Variants in SHISA9 observed in about 807,000 individuals in gnomAD.
SHISA9 encodes protein shisa-9.
In SHISA9, 13 loss-of-function variants were observed where a neutral mutation model predicts 38.0. The observed-to-expected ratio is 0.34, with a 90% CI of 0.22 to 0.54. The LOEUF (loss-of-function observed/expected upper bound fraction) is 0.54. Ranked by LOEUF, SHISA9 falls within the 20% of genes least tolerant of loss-of-function variation. The pLI, the probability that SHISA9 is intolerant of heterozygous loss-of-function variation, is 0.91. For synonymous variants in SHISA9, 275 were observed against 242.0 expected, an observed-to-expected ratio of 1.14 and a Z score of -1.27; for missense variants, 538 against 575.8, an observed-to-expected ratio of 0.93 and a Z score of 0.67.
chr16:12,975,993 T>C (rs760624163), intron 2 of SHISA9, among the ~76,000 whole-genome samples: 9 of 152,152 alleles, frequency 5.9e-5, no homozygotes, highest in Non-Finnish European at 1.2e-4. Flanking sequence ...TTACTGTGAT[T>C]CTCAATTAGT....
chr16:13,301,153 G>A, the SHISA9 span, among the ~76,000 whole-genome samples: 2 of 152,192 alleles, frequency 1.3e-5, no homozygotes, highest in Middle Eastern at 3.4e-3. Flanking sequence ...TTGTGGTGCC[G>A]ACCATCTCAC....
intron 2 of SHISA9, among the ~76,000 whole-genome samples, chr16:13,112,986 G>A (rs1417071348): frequency 6.6e-6 from 1 of 152,032 alleles, no homozygotes; most frequent in Non-Finnish European, 1.5e-5. Flanking sequence ...AAGGCAGGCA[G>A]ATCACTTGAC....
At chr16:13,493,078 GT>G in the SHISA9 span, among the ~76,000 whole-genome samples, 1 of 152,208 alleles carries the variant, frequency 6.6e-6, no homozygotes, top group Non-Finnish European at 1.5e-5. Flanking sequence ...AGGGGGAAAA[GT>G]GGAGGAGAAG....
At chr16:13,542,726 T>C in the SHISA9 span, among the ~76,000 whole-genome samples, 1 of 152,212 alleles carries the variant, frequency 6.6e-6, no homozygotes, top group African/African-American at 2.4e-5. Flanking sequence ...TTAACTCGCT[T>C]AAATCAAAAT....
In SHISA9 at chr16:13,202,440, G is replaced by A. The variant is rs545528462; in HGVS notation, c.692-954G>A. On this transcript the variant is annotated intron_variant, in intron 2 of 4. Transcript: ENST00000558583. ...TTCCTTGAATCTCATTTCCCTTCAA[G>A]CAGCCAATATTTAGTTTGTTTGTCT... Among the ~76,000 whole-genome samples, 573 of 134,250 alleles carry A rather than the reference G, an allele frequency of 4.3e-3. 132 individuals carry two copies. Among genetic ancestry groups the A allele is most frequent in the African/African-American group, 0.016 (553 of 34,122 alleles). The allele number at this position is 134,250 out of a possible 152,430, so 88.1% of individuals were successfully genotyped here. A position where few individuals can be genotyped will look rare whatever the true frequency, so the allele number is the denominator to read the frequency against.
chr16:13,457,927 CCCTTCCTT>C, the SHISA9 span, among the ~76,000 whole-genome samples: 3 of 151,452 alleles, frequency 2.0e-5, no homozygotes, highest in Admixed American at 1.3e-4. Flanking sequence ...CTTCCTTCCT[CCCTTCCTT>C]CCTTCCTTGC....
chr16:13,234,941 G>A lies in SHISA9; in HGVS notation c.896-89G>A, dbSNP rs2051366271. On this transcript the variant is annotated intron_variant, in intron 4 of 4. Coordinates refer to ENST00000558583, the MANE Select transcript of SHISA9 (RefSeq NM_001145204.3). ...CCCATTTTTATGCTGTTCTTGGGTT[G>A]ACATGCCAGTCTCTAACTCTCTCTC... 4 of 1,426,670 alleles carry A rather than the reference G, an allele frequency of 2.8e-6. No individual in the cohort carries two copies. The East Asian group carries it at 1.0e-4, about 36-fold the overall frequency. 88.4% of individuals were successfully genotyped at this position (1,426,670 alleles called of 1,614,324 possible). A position where few individuals can be genotyped will look rare whatever the true frequency, so the allele number is the denominator to read the frequency against.
At chr16:13,439,162 C>G in the SHISA9 span, among the ~76,000 whole-genome samples, 2 of 152,124 alleles carry the variant, frequency 1.3e-5, no homozygotes, top group African/African-American at 4.8e-5. Flanking sequence ...GAGATGGACC[C>G]TATGTCTCCT....
At chr16:12,910,526 A>C in intron 1 of SHISA9, 1 of 985,468 alleles carries the variant, frequency 1.0e-6, no homozygotes, top group Non-Finnish European at 1.2e-6. Flanking sequence ...ACTAGCTTTC[A>C]TAAGAAAGTA....
At chr16:13,544,703 G>A in the SHISA9 span, among the ~76,000 whole-genome samples, 11 of 152,238 alleles carry the variant, frequency 7.2e-5, no homozygotes, top group South Asian at 2.3e-3. Context: ...AGCACTTTGG[G>A]AGGCCGAGGT....
At chr16:13,006,035 G>T (rs1432412216) in intron 2 of SHISA9, among the ~76,000 whole-genome samples, 5 of 152,166 alleles carry the variant, frequency 3.3e-5, no homozygotes, top group Admixed American at 2.0e-4. Context: ...TGCAGCTTGG[G>T]CTACAGATGG....
intron 2 of SHISA9, among the ~76,000 whole-genome samples, chr16:13,121,827 AC>A (rs2050213412): frequency 9.5e-6 from 1 of 105,466 alleles, no homozygotes; most frequent in African/African-American, 4.8e-5. Flanking sequence ...ACACCTATAC[AC>A]ACATACACAC....
At position 13,238,666 on chromosome 16, in the gene SHISA9, C is replaced by G. The variant is rs2051408156; in HGVS notation, c.*3257C>G. The G allele has an allele frequency of 6.6e-6, 1 of 152,080 alleles. No individual in the cohort carries two copies. Among genetic ancestry groups the G allele is most frequent in the Non-Finnish European group, 1.5e-5 (1 of 68,026 alleles). 9.4% of individuals were successfully genotyped at this position (152,080 alleles called of 1,614,324 possible). ...AATGATGGCCCAAGAAGGACACGTA[C>G]TTTCCAAGTAGTCCTGTCTAGGATG... On this transcript the variant is annotated 3_prime_UTR_variant, in exon 5 of 5. Coordinates refer to ENST00000558583, the MANE Select transcript of SHISA9 (RefSeq NM_001145204.3).
chr16:13,334,468 T>A, the SHISA9 span, among the ~76,000 whole-genome samples: 1 of 152,122 alleles, frequency 6.6e-6, no homozygotes, highest in African/African-American at 2.4e-5. Flanking sequence ...GCTCTTGGAT[T>A]TACTGTGAAG....
chr16:13,322,200 C>G, the SHISA9 span, among the ~76,000 whole-genome samples: 1 of 152,186 alleles, frequency 6.6e-6, no homozygotes, highest in Admixed American at 6.5e-5. Context: ...CCAACCAGAT[C>G]AGCAAATCAG....
chr16:13,369,641 G>A, the SHISA9 span, among the ~76,000 whole-genome samples: 2 of 151,908 alleles, frequency 1.3e-5, no homozygotes, highest in Non-Finnish European at 2.9e-5. Context: ...GGGGCTCTCC[G>A]TCTTTGTGCC....
At chr16:13,300,502 T>C in the SHISA9 span, among the ~76,000 whole-genome samples, 3 of 152,126 alleles carry the variant, frequency 2.0e-5, no homozygotes, top group Non-Finnish European at 2.9e-5. Context: ...GTCAGATTAC[T>C]CAAAGTCTCA....
the SHISA9 span, among the ~76,000 whole-genome samples, chr16:13,481,171 G>A: frequency 7.2e-5 from 11 of 152,260 alleles, no homozygotes; most frequent in East Asian, 1.9e-4. Flanking sequence ...TTGTCTTTGC[G>A]AACCTCTGAG....
chr16:13,412,103 G>A, the SHISA9 span, among the ~76,000 whole-genome samples: 1 of 151,682 alleles, frequency 6.6e-6, no homozygotes, highest in Non-Finnish European at 1.5e-5. Flanking sequence ...ATTCTCGAAT[G>A]TAAGTACAGA....
Sources: allele counts gnomAD v4.1 joint callset (sites outside exome capture counted in the v4.1 genomes callset), GRCh38; gene constraint gnomAD v4.1.1; transcripts MANE v1.5; gene names NCBI Gene and HGNC (gene_info 2026-07-23, HGNC 2026-07-21).